The following DLGAP1 variants were observed in gnomAD, a reference collection of about 807,000 sequenced individuals.
The protein encoded by DLGAP1 is DLG associated protein 1.
DLGAP1 carries 11 observed loss-of-function variants against 90.8 expected under a neutral mutation model. The observed-to-expected ratio is 0.12, with a 90% CI of 0.08 to 0.20. The LOEUF (loss-of-function observed/expected upper bound fraction) is 0.20. DLGAP1 is among the 10% of genes least tolerant of loss of function. The pLI is 1.00. For synonymous variants in DLGAP1, 558 were observed against 540.7 expected (o/e 1.03, Z -0.44); for missense variants, 1,050 against 1,333.8 (o/e 0.79, Z 3.31).
intron 3 of DLGAP1, among the ~76,000 whole-genome samples, chr18:3,993,661 G>A (rs1212295694): frequency 6.6e-6 from 1 of 152,162 alleles, no homozygotes; most frequent in Non-Finnish European, 1.5e-5. Context: ...AACCAAACGT[G>A]GTCCAGACTG....
At chr18:3,580,859 T>C in intron 8 of DLGAP1, 1 of 1,160,656 alleles carries the variant, frequency 8.6e-7, no homozygotes, top group Non-Finnish European at 1.2e-6. Flanking sequence ...CCGGGGTGAG[T>C]GTGGCCGGTT....
At chr18:3,701,635 T>G (rs1355499324) in intron 7 of DLGAP1, among the ~76,000 whole-genome samples, 2 of 152,166 alleles carry the variant, frequency 1.3e-5, no homozygotes, top group African/African-American at 4.8e-5. Flanking sequence ...TCCATTTGGG[T>G]CTAAAGTAGA....
intron 7 of DLGAP1, chr18:3,604,503 T>A (rs2057233147): frequency 6.6e-6 from 1 of 152,100 alleles, no homozygotes; most frequent in Non-Finnish European, 1.5e-5. Flanking sequence ...ATTTCTCAAG[T>A]GGTGATACCT....
intron 7 of DLGAP1, among the ~76,000 whole-genome samples, chr18:3,667,128 G>C (rs1309730889): frequency 1.3e-5 from 2 of 151,346 alleles, no homozygotes; most frequent in East Asian, 3.9e-4. Flanking sequence ...GCCCAGGCTG[G>C]AGTGCAGTGG....
intron 1 of DLGAP1, among the ~76,000 whole-genome samples, chr18:4,364,875 C>T (rs564685325): frequency 9.9e-5 from 15 of 152,238 alleles, no homozygotes; most frequent in African/African-American, 2.9e-4. Context: ...TCATTCATTT[C>T]GAAGAACTTC....
intron 7 of DLGAP1, among the ~76,000 whole-genome samples, chr18:3,719,575 A>AAAAG: frequency 1.3e-5 from 2 of 151,010 alleles, no homozygotes; most frequent in South Asian, 2.1e-4. Context: ...AAAAAAAAAA[A>AAAAG]AAAGAAAGAA....
chr18:4,042,493 T>A (rs892358929), intron 2 of DLGAP1, among the ~76,000 whole-genome samples: 23 of 152,190 alleles, frequency 1.5e-4, no homozygotes, highest in Non-Finnish European at 2.5e-4. Context: ...ATCCCAGCAC[T>A]TTGGGAGGCC....
rs34207365 is a variant in DLGAP1 at position 3,822,024 on chromosome 18, GAAA to G, written c.958-7754_958-7752del. 1,009 of 661,994 alleles carry G rather than the reference GAAA, an allele frequency of 1.5e-3. 1 individual carries two copies. The highest frequency in any genetic ancestry group is 3.0e-3 in the South Asian group (43 of 14,564). 41.0% of individuals were successfully genotyped at this position (661,994 alleles called of 1,614,324 possible). A position where few individuals can be genotyped will look rare whatever the true frequency, so the allele number is the denominator to read the frequency against. On this transcript the variant is annotated intron_variant, in intron 4 of 12. Coordinates refer to ENST00000315677, the MANE Select transcript of DLGAP1 (RefSeq NM_004746.4). ...GCTTGCTCTTCTCATAGCAAAAACA[GAAA>G]AAAAAAAAAAAAAGAGCAAGAATAG...
At chr18:4,374,796 T>C (rs907806695) in intron 1 of DLGAP1, among the ~76,000 whole-genome samples, 1 of 151,976 alleles carries the variant, frequency 6.6e-6, no homozygotes, top group African/African-American at 2.4e-5. Context: ...AGTGAGAAAA[T>C]ACAGTTATTT....
At chr18:4,015,642 T>C (rs1226533786) in intron 2 of DLGAP1, among the ~76,000 whole-genome samples, 1 of 152,192 alleles carries the variant, frequency 6.6e-6, no homozygotes, top group Non-Finnish European at 1.5e-5. Context: ...GGCTACGACA[T>C]ATCAGAAAAA....
At chr18:3,959,726 A>T (rs1217771622) in intron 3 of DLGAP1, among the ~76,000 whole-genome samples, 1 of 151,932 alleles carries the variant, frequency 6.6e-6, no homozygotes, top group South Asian at 2.1e-4. Flanking sequence ...ATAACTGCAA[A>T]TTTTCCAGTA....
intron 1 of DLGAP1, among the ~76,000 whole-genome samples, chr18:4,170,328 TG>T (rs2077001467): frequency 6.6e-6 from 1 of 152,232 alleles, no homozygotes; most frequent in South Asian, 2.1e-4. Flanking sequence ...AACTTTCCAG[TG>T]GTAGGTAAGC....
chr18:3,511,129 G>C (rs986724851), intron 10 of DLGAP1, among the ~76,000 whole-genome samples: 1 of 152,168 alleles, frequency 6.6e-6, no homozygotes. Context: ...GGCCCAGGGT[G>C]GGGAGATGAC....
At chr18:4,043,796 G>A (rs1470609779) in intron 2 of DLGAP1, among the ~76,000 whole-genome samples, 3 of 152,210 alleles carry the variant, frequency 2.0e-5, no homozygotes, top group Non-Finnish European at 2.9e-5. Context: ...TTGGAGCAAC[G>A]GGACCAGCAA....
chr18:4,139,792 G>A (rs2144295964), intron 2 of DLGAP1, among the ~76,000 whole-genome samples: 1 of 152,030 alleles, frequency 6.6e-6, no homozygotes, highest in East Asian at 1.9e-4. Flanking sequence ...GGGTGCTCCA[G>A]TGTTGGGTGT....
In DLGAP1 at chr18:4,273,692, C is replaced by A. The variant is rs115885430; in HGVS notation, c.-266-122405G>T. ...TCAAGCAGTTCTCCCAATTCAGCCT[C>A]CCAGATAGCTGGGATTACAGGCGTG... is the stretch of plus-strand genomic sequence containing the variant. On this transcript the variant is annotated intron_variant, in intron 1 of 12. Coordinates refer to ENST00000315677, the MANE Select transcript of DLGAP1 (RefSeq NM_004746.4). Among the ~76,000 whole-genome samples, 1,175 of 152,298 alleles carry A rather than the reference C, an allele frequency of 7.7e-3. 18 individuals are homozygous for A. Among genetic ancestry groups the A allele is most frequent in the African/African-American group, 0.026 (1,097 of 41,552 alleles).
At chr18:3,802,555 C>T (rs147151311) in intron 5 of DLGAP1, among the ~76,000 whole-genome samples, 1 of 152,328 alleles carries the variant, frequency 6.6e-6, no homozygotes, top group African/African-American at 2.4e-5. Flanking sequence ...CAAATCGAAT[C>T]CTTTCTCTTT....
chr18:3,540,224 C>T (rs1225058137), intron 9 of DLGAP1, among the ~76,000 whole-genome samples: 5 of 151,886 alleles, frequency 3.3e-5, no homozygotes, highest in South Asian at 2.1e-4. Context: ...CCCAGCACTT[C>T]GGGAAGCCAA....
rs2078179381 is a variant in DLGAP1 at position 4,226,011 on chromosome 18, T to C, written c.-266-74724A>G. Among the ~76,000 whole-genome samples, 3 of 152,018 alleles carry C rather than the reference T, an allele frequency of 2.0e-5. No individual in the cohort carries two copies. In the East Asian group the frequency reaches 5.8e-4, roughly 29 times the overall value. On this transcript the variant is annotated intron_variant, in intron 1 of 12. Coordinates refer to ENST00000315677, the MANE Select transcript of DLGAP1 (RefSeq NM_004746.4). ...AATATTTAATAATAAAACTCCCAAA[T>C]GTCAAGATTAAAGAAAGAGTCCTAA...
Sources: gnomAD v4.1 joint callset for allele counts (sites outside exome capture counted in the v4.1 genomes callset) on GRCh38, gnomAD v4.1.1 for gene constraint, MANE v1.5 for transcripts, NCBI Gene and HGNC (gene_info 2026-07-23, HGNC 2026-07-21) for gene names.